The following WWOX variants were observed in gnomAD, a reference collection of about 807,000 sequenced individuals.
WWOX encodes the protein WW domain-containing oxidoreductase.
Under a neutral mutation model 46.2 loss-of-function variants are expected in WWOX, and 69 were observed. The observed-to-expected ratio is 1.49, with a 90% confidence interval of 1.23 to 1.82. The LOEUF (loss-of-function observed/expected upper bound fraction) is 1.82. Ranked by LOEUF, WWOX falls within the 40% of genes most tolerant of loss-of-function variation. The pLI, the probability that WWOX is intolerant of heterozygous loss-of-function variation, is 0.00. For missense variants in WWOX, 919 were observed against 542.6 expected (o/e 1.69, Z -6.89); for synonymous variants, 359 against 202.6 (o/e 1.77, Z -6.56).
chr16:78,921,983 G>C (rs1026400626), intron 8 of WWOX, among the ~76,000 whole-genome samples: 3 of 152,200 alleles, frequency 2.0e-5, no homozygotes, highest in Non-Finnish European at 4.4e-5. Context: ...ACAAGTACCA[G>C]ATGTGAAGCT....
At chr16:78,723,736 G>C (rs772856589) in intron 8 of WWOX, among the ~76,000 whole-genome samples, 5 of 151,708 alleles carry the variant, frequency 3.3e-5, no homozygotes, top group Admixed American at 1.3e-4. Flanking sequence ...GTTCACTCCT[G>C]ACAGTTCTTT....
chr16:79,048,995 A>G (rs984338484), intron 8 of WWOX, among the ~76,000 whole-genome samples: 3 of 152,216 alleles, frequency 2.0e-5, no homozygotes, highest in Admixed American at 6.5e-5. Flanking sequence ...ACAAATATGC[A>G]ATGAGAATCC....
chr16:78,117,496 C>G (rs1056999328), intron 4 of WWOX, among the ~76,000 whole-genome samples: 2 of 149,498 alleles, frequency 1.3e-5, no homozygotes, highest in Non-Finnish European at 3.0e-5. Flanking sequence ...TCACAAATCA[C>G]TTGCACTCTG....
At chr16:78,459,375 A>T (rs2083899243) in intron 8 of WWOX, among the ~76,000 whole-genome samples, 1 of 152,160 alleles carries the variant, frequency 6.6e-6, no homozygotes. Flanking sequence ...AAGTAACTGG[A>T]TATTTCCGAG....
At chr16:79,183,475 C>A (rs377310918) in intron 8 of WWOX, among the ~76,000 whole-genome samples, 3 of 152,204 alleles carry the variant, frequency 2.0e-5, no homozygotes, top group African/African-American at 4.8e-5. Context: ...TGTCTTATTT[C>A]TGCTTTTGGA....
At chr16:78,224,573 G>T (rs1348422492) in intron 5 of WWOX, among the ~76,000 whole-genome samples, 1 of 152,094 alleles carries the variant, frequency 6.6e-6, no homozygotes, top group Non-Finnish European at 1.5e-5. Context: ...ATCCCCTGTT[G>T]TTGGACATAC....
intron 5 of WWOX, among the ~76,000 whole-genome samples, chr16:78,327,986 C>T (rs935964728): frequency 6.6e-6 from 1 of 151,146 alleles, no homozygotes; most frequent in African/African-American, 2.4e-5. Flanking sequence ...AAGCCAGCCG[C>T]CCATCTCAGC....
intron 8 of WWOX, among the ~76,000 whole-genome samples, chr16:79,091,748 C>G (rs568114450): frequency 5.9e-5 from 9 of 151,828 alleles, no homozygotes; most frequent in African/African-American, 1.7e-4. Context: ...TCTGCACACA[C>G]CCGACCGCAT....
At chr16:78,600,873 T>C (rs1056363484) in intron 8 of WWOX, among the ~76,000 whole-genome samples, 7 of 152,166 alleles carry the variant, frequency 4.6e-5, no homozygotes, top group Non-Finnish European at 7.4e-5. Context: ...CCTCTGCCTA[T>C]CGTGACAGGG....
chr16:78,675,834 T>A (rs903587518), intron 8 of WWOX, among the ~76,000 whole-genome samples: 2 of 151,946 alleles, frequency 1.3e-5, no homozygotes, highest in Non-Finnish European at 2.9e-5. Context: ...AAAGAAAATA[T>A]ATATATTTTT....
At chr16:78,401,105 C>T (rs79265055) in intron 6 of WWOX, among the ~76,000 whole-genome samples, 208 of 152,322 alleles carry the variant, frequency 1.4e-3, no homozygotes, top group African/African-American at 4.6e-3. Flanking sequence ...CAGGCATGAG[C>T]CATGTCCAGC....
intron 8 of WWOX, among the ~76,000 whole-genome samples, chr16:79,018,279 T>C (rs1246243824): frequency 2.0e-5 from 3 of 152,340 alleles, no homozygotes; most frequent in South Asian, 4.1e-4. Flanking sequence ...TTTCTGGTCA[T>C]TGTAATGGTG....
chr16:78,160,240 T>A (rs1211027018), intron 4 of WWOX, among the ~76,000 whole-genome samples: 1 of 152,020 alleles, frequency 6.6e-6, no homozygotes, highest in African/African-American at 2.4e-5. Flanking sequence ...TGGAGTGAAG[T>A]GGCATGATCA....
At chr16:78,186,807 G>C (rs1313011343) in intron 5 of WWOX, among the ~76,000 whole-genome samples, 2 of 152,150 alleles carry the variant, frequency 1.3e-5, no homozygotes, top group Non-Finnish European at 2.9e-5. Context: ...AATAAGTTTA[G>C]ATTCTCATAG....
chr16:78,736,470 G>C (rs558920949), intron 8 of WWOX, among the ~76,000 whole-genome samples: 1 of 152,160 alleles, frequency 6.6e-6, no homozygotes, highest in Non-Finnish European at 1.5e-5. Flanking sequence ...GCTCTCTCCT[G>C]ACCACCGTTG....
intron 8 of WWOX, among the ~76,000 whole-genome samples, chr16:79,185,814 G>A (rs1427176586): frequency 6.6e-6 from 1 of 152,142 alleles, no homozygotes; most frequent in African/African-American, 2.4e-5. Flanking sequence ...ATCGGACACT[G>A]CCTAGTGTGA....
chr16:78,510,584 A>C (rs2085338799), intron 8 of WWOX, among the ~76,000 whole-genome samples: 1 of 152,252 alleles, frequency 6.6e-6, no homozygotes, highest in African/African-American at 2.4e-5. Context: ...CATCAACTGC[A>C]ACCATAATTT....
rs2081355470 is a variant in WWOX at position 78,359,021 on chromosome 16, T to C, written c.517-27839T>C. Reference sequence around the variant, plus strand: ...GGGCACAGATTCTGTTTTCCATTTTTTCAGTCATGAGCAACGTTGCTGGTT... The same window carrying C: ...GGGCACAGATTCTGTTTTCCATTTTCTCAGTCATGAGCAACGTTGCTGGTT... On this transcript the variant is annotated intron_variant, in intron 5 of 8. Coordinates refer to ENST00000566780, the MANE Select transcript of WWOX (RefSeq NM_016373.4). Among the ~76,000 whole-genome samples the C allele has an allele frequency of 2.6e-5, 4 of 152,262 alleles. No homozygotes were observed. The South Asian group carries it at 8.3e-4, about 32-fold the overall frequency.
intron 8 of WWOX, among the ~76,000 whole-genome samples, chr16:79,068,187 C>G (rs150506328): frequency 1.3e-5 from 2 of 152,140 alleles, no homozygotes; most frequent in Non-Finnish European, 2.9e-5. Flanking sequence ...GGGTGAATGA[C>G]CCTGTAATCC....
Sources: gnomAD v4.1 joint callset for allele counts (sites outside exome capture counted in the v4.1 genomes callset) on GRCh38, gnomAD v4.1.1 for gene constraint, MANE v1.5 for transcripts, NCBI Gene and HGNC (gene_info 2026-07-23, HGNC 2026-07-21) for gene names.